Variants in PEDS1 observed in about 807,000 individuals in gnomAD.
PEDS1 encodes plasmanylethanolamine desaturase 1.
Under a neutral mutation model 35.2 loss-of-function variants are expected in PEDS1, and 14 were observed. That is an observed-to-expected ratio of 0.40 (90% confidence interval 0.26 to 0.62). PEDS1 has a LOEUF of 0.62. Ranked by LOEUF, PEDS1 falls within the 20% of genes least tolerant of loss-of-function variation. The pLI, the probability that PEDS1 is intolerant of heterozygous loss-of-function variation, is 0.44. For synonymous variants in PEDS1, 152 were observed against 152.0 expected (o/e 1.00, Z 0.00); for missense variants, 260 against 367.8 (o/e 0.71, Z 2.40).
Position 50,131,026 on chromosome 20 carries a change from G to A in PEDS1, c.242-79C>T, listed in dbSNP as rs543283830. 8.3e-4 allele frequency: 1,335 copies of A among 1,609,674 alleles called. 14 individuals are homozygous for A. In the South Asian group the frequency reaches 9.8e-3, roughly 12 times the overall value. On this transcript the variant is annotated intron_variant, in intron 2 of 5. Coordinates refer to ENST00000371652, the MANE Select transcript of PEDS1 (RefSeq NM_199129.4). ...CACTCATTCATTTACTCACTTGCCC[G>A]CTCATTCATTTGTTAGGAGGGGAAG... is the stretch of plus-strand genomic sequence containing the variant.
At chr20:50,127,379 T>A (rs1418156428) in intron 5 of PEDS1, among the ~76,000 whole-genome samples, 2 of 134,814 alleles carry the variant, frequency 1.5e-5, no homozygotes, top group African/African-American at 5.8e-5. Flanking sequence ...ACAGTCTCTG[T>A]CACCTAGGCT....
At chr20:50,145,347 T>C (rs938054575) in intron 1 of PEDS1, among the ~76,000 whole-genome samples, 9 of 152,176 alleles carry the variant, frequency 5.9e-5, no homozygotes, top group African/African-American at 2.2e-4. Context: ...TTGGGCAACA[T>C]AGCAAAACCC....
intron 5 of PEDS1, among the ~76,000 whole-genome samples, chr20:50,126,586 G>A (rs944925360): frequency 2.6e-5 from 4 of 152,198 alleles, no homozygotes; most frequent in Non-Finnish European, 4.4e-5. Flanking sequence ...GGTGATATAT[G>A]AAGGAGGCGG....
At chr20:50,136,817 G>A (rs2081240560) in intron 2 of PEDS1, among the ~76,000 whole-genome samples, 1 of 151,262 alleles carries the variant, frequency 6.6e-6, no homozygotes, top group African/African-American at 2.4e-5. Context: ...TGGGAGGATT[G>A]CTTGAGTCCT....
At chr20:50,146,025 G>C (rs996265684) in intron 1 of PEDS1, among the ~76,000 whole-genome samples, 5 of 152,082 alleles carry the variant, frequency 3.3e-5, no homozygotes, top group Non-Finnish European at 5.9e-5. Flanking sequence ...TGCTGCCCCT[G>C]GTCCCTCCCT....
At chr20:50,134,759 C>G (rs895120487) in intron 2 of PEDS1, among the ~76,000 whole-genome samples, 19 of 152,216 alleles carry the variant, frequency 1.2e-4, no homozygotes, top group Non-Finnish European at 7.3e-5. Flanking sequence ...AACCTACAAA[C>G]AGTAAAGGCC....
chr20:50,132,229 G>A (rs1344628362), intron 2 of PEDS1, among the ~76,000 whole-genome samples: 1 of 152,114 alleles, frequency 6.6e-6, no homozygotes, highest in Non-Finnish European at 1.5e-5. Flanking sequence ...AAAAGGGAAT[G>A]ATGCTAACAT....
At chr20:50,152,563 G>T (rs182463398) in intron 1 of PEDS1, among the ~76,000 whole-genome samples, 1 of 126,750 alleles carries the variant, frequency 7.9e-6, no homozygotes, top group Admixed American at 7.0e-5. Flanking sequence ...GTGGGTGTAG[G>T]GGGGGTGCTT....
intron 2 of PEDS1, among the ~76,000 whole-genome samples, chr20:50,142,065 T>C (rs1292469032): frequency 1.3e-5 from 2 of 152,116 alleles, no homozygotes; most frequent in Admixed American, 6.5e-5. Context: ...GGAGTGGAGA[T>C]AGTGTATTAA....
chr20:50,143,749 G>A, intron 1 of PEDS1, 128 bp from the exon 2 acceptor site: 25 of 1,427,926 alleles, frequency 1.8e-5, no homozygotes, highest in East Asian at 7.5e-5. Context: ...CCAGGCTGGA[G>A]TGCAGTGGTG....
In PEDS1 at chr20:50,128,219, G is replaced by A. The variant is rs1206447721; in HGVS notation, c.479-32C>T. ...GTTGGGGAGAGGGGGGGCCGGCACA[G>A]CTGTCACTCGGGACGGGGAACCCAC... On this transcript the variant is annotated intron_variant, in intron 4 of 5. Coordinates refer to ENST00000371652, the MANE Select transcript of PEDS1 (RefSeq NM_199129.4). The surrounding 1 kb of genome is among the most constrained non-coding windows in gnomAD (Gnocchi z 5.2). The A allele has an allele frequency of 1.9e-6, 3 of 1,611,740 alleles. No individual in the cohort carries two copies. The highest frequency in any genetic ancestry group is 1.7e-6 in the Non-Finnish European group (2 of 1,179,086).
At chr20:50,136,554 C>A (rs1271622344) in intron 2 of PEDS1, among the ~76,000 whole-genome samples, 1 of 151,950 alleles carries the variant, frequency 6.6e-6, no homozygotes, top group African/African-American at 2.4e-5. Flanking sequence ...GAAACCCCAT[C>A]TCTACTAAAA....
intron 2 of PEDS1, among the ~76,000 whole-genome samples, chr20:50,142,976 G>A (rs746469059): frequency 1.3e-5 from 2 of 152,162 alleles, no homozygotes; most frequent in Non-Finnish European, 2.9e-5. Flanking sequence ...GCTAGAGGAA[G>A]CTGGGGCAGG....
rs1263115819 is a variant in PEDS1, at chr20:50,122,159, CAG to C, written c.*2897_*2898del. On this transcript the variant is annotated 3_prime_UTR_variant, in exon 6 of 6. Transcript: ENST00000371652. ...GTAAGTCTCAACTCAAAGAGAAAAACAGAGCTTAGAGAGACCACGTTTTGATG... is the reference window on the plus strand; with the variant it reads ...GTAAGTCTCAACTCAAAGAGAAAAACAGCTTAGAGAGACCACGTTTTGATG... 1 of 152,218 alleles carries C rather than the reference CAG, an allele frequency of 6.6e-6. No homozygotes were observed. The highest frequency in any genetic ancestry group is 1.5e-5 in the Non-Finnish European group (1 of 68,054). 9.4% of individuals were successfully genotyped at this position (152,218 alleles called of 1,614,324 possible). A position where few individuals can be genotyped will look rare whatever the true frequency, so the allele number is the denominator to read the frequency against.
At chr20:50,127,070 G>A (rs370943686) in intron 5 of PEDS1, among the ~76,000 whole-genome samples, 8 of 152,214 alleles carry the variant, frequency 5.3e-5, no homozygotes, top group African/African-American at 1.7e-4. Context: ...GCCAGCCTCA[G>A]GGCCTTCGCA....
At chr20:50,132,850 C>A (rs2081193941) in intron 2 of PEDS1, among the ~76,000 whole-genome samples, 1 of 152,150 alleles carries the variant, frequency 6.6e-6, no homozygotes, top group Non-Finnish European at 1.5e-5. Context: ...TCCACAAAGG[C>A]CTCCTGTGTG....
intron 2 of PEDS1, among the ~76,000 whole-genome samples, chr20:50,141,714 TG>T (rs2081293285): frequency 6.6e-6 from 1 of 152,158 alleles, no homozygotes; most frequent in African/African-American, 2.4e-5. Flanking sequence ...GCAGAGAGGC[TG>T]GGGGTGCAGG....
chr20:50,133,186 CTG>C (rs2147279485), intron 2 of PEDS1, among the ~76,000 whole-genome samples: 1 of 151,998 alleles, frequency 6.6e-6, no homozygotes, highest in East Asian at 1.9e-4. Flanking sequence ...ACGCAAGTCA[CTG>C]TGAATGTGCA....
Position 50,153,459 on chromosome 20 carries a change from C to A in PEDS1, c.121+58G>T. 3.9e-6 allele frequency: 5 copies of A among 1,270,794 alleles called. No individual in the cohort carries two copies. The South Asian group carries it at 7.2e-5, about 18-fold the overall frequency. 78.7% of individuals were successfully genotyped at this position (1,270,794 alleles called of 1,614,324 possible). ...CGAGGTTGGGACTCCAGTCTGGGGT[C>A]GCTGTCCGCAGCCGGGGCTGGTGAC... On this transcript the variant is annotated intron_variant, in intron 1 of 5. Coordinates refer to ENST00000371652, the MANE Select transcript of PEDS1 (RefSeq NM_199129.4).
Sources: gnomAD v4.1 joint callset for allele counts (sites outside exome capture counted in the v4.1 genomes callset) on GRCh38, gnomAD v4.1.1 for gene constraint, Gnocchi (gnomAD v3.1) non-coding constraint, MANE v1.5 for transcripts, NCBI Gene and HGNC (gene_info 2026-07-23, HGNC 2026-07-21) for gene names.